The following FANCA variants were observed in gnomAD, a reference collection of about 807,000 sequenced individuals.
The protein encoded by FANCA is Fanconi anemia group A protein.
A neutral mutation model predicts 194.3 loss-of-function variants in FANCA; 236 were observed. The observed-to-expected ratio is 1.21, with a 90% CI of 1.09 to 1.35. The LOEUF (loss-of-function observed/expected upper bound fraction) is 1.35. Ranked by LOEUF, FANCA falls within the 40% of genes most tolerant of loss-of-function variation. The pLI is 0.00. For synonymous variants in FANCA, 1,014 were observed against 715.8 expected (o/e 1.42, Z -6.65); for missense variants, 2,628 against 1,813.9 (o/e 1.45, Z -8.15).
chr16:89,805,796 G>A (rs1324580335), intron 6 of FANCA, among the ~76,000 whole-genome samples: 3 of 151,796 alleles, frequency 2.0e-5, no homozygotes, highest in Non-Finnish European at 2.9e-5. Flanking sequence ...TTCAAATATT[G>A]TGGATTTTCC....
At chr16:89,789,189 G>C (rs1177362293) in intron 14 of FANCA, among the ~76,000 whole-genome samples, 1 of 151,900 alleles carries the variant, frequency 6.6e-6, no homozygotes, top group Admixed American at 6.6e-5. Flanking sequence ...GGGCAGGTGA[G>C]AAGGAACTTT....
intron 5 of FANCA, among the ~76,000 whole-genome samples, chr16:89,809,656 C>G (rs186651419): frequency 6.6e-6 from 1 of 151,860 alleles, no homozygotes; most frequent in East Asian, 2.0e-4. Flanking sequence ...TTGAGACCAG[C>G]CTGACCAACA....
At chr16:89,739,670 T>C in intron 39 of FANCA, 117 bp from the exon 40 acceptor site, 1 of 1,510,396 alleles carries the variant, frequency 6.6e-7, no homozygotes, top group Non-Finnish European at 9.0e-7. Flanking sequence ...GGGGATAGTG[T>C]GGGGCGAACA....
At chr16:89,808,252 G>T in intron 6 of FANCA, 42 bp downstream of exon 6, 1 of 1,575,716 alleles carries the variant, frequency 6.3e-7, no homozygotes, top group South Asian at 1.1e-5. Flanking sequence ...TACTAGACTA[G>T]ACTGCAAAAA....
At chr16:89,811,651 G>C (rs1014218016) in intron 3 of FANCA, among the ~76,000 whole-genome samples, 2 of 152,176 alleles carry the variant, frequency 1.3e-5, no homozygotes, top group Admixed American at 6.5e-5. Flanking sequence ...ATTCAATAAA[G>C]TGAGAAACGG....
rs753166995 is a variant in FANCA, at chr16:89,796,033, G to A, written c.894-15C>T. The stretch of plus-strand genomic sequence containing the variant: ...ACACTCCGAACCTGCCAATGCAGCA[G>A]AAAGAGGGGTCAGGAAAGGGAGGGT... On this transcript the variant is annotated splice_polypyrimidine_tract_variant and intron_variant, in intron 10 of 42. Coordinates refer to ENST00000389301, the MANE Select transcript of FANCA (RefSeq NM_000135.4). The A allele has an allele frequency of 3.0e-5, 48 of 1,602,528 alleles. No individual in the cohort carries two copies. The highest frequency in any genetic ancestry group is 4.0e-5 in the African/African-American group (3 of 74,712).
intron 6 of FANCA, 24 bp from the exon 7 acceptor site, chr16:89,805,416 C>CGTAA (rs1567647872): frequency 6.4e-7 from 1 of 1,573,416 alleles, no homozygotes; most frequent in Non-Finnish European, 8.7e-7. Context: ...CAGAGGCAGA[C>CGTAA]GTAAGGCTCA....
chr16:89,748,835 ACT>A, intron 32 of FANCA, 68 bp from the exon 33 acceptor site: 2 of 1,343,976 alleles, frequency 1.5e-6, no homozygotes, highest in Non-Finnish European at 1.0e-6. Flanking sequence ...AAGGGCTCAG[ACT>A]CTCAGAGCAG....
chr16:89,762,035 GCA>G lies in FANCA; in HGVS notation c.2779-15_2779-14del. ...CTTGGTAAGTTAACTGAGAAAGAGAGCAAGCAATTCAATACAATGAGGACAGA... is the reference window on the plus strand; with the variant it reads ...CTTGGTAAGTTAACTGAGAAAGAGAGAGCAATTCAATACAATGAGGACAGA... On this transcript the variant is annotated splice_polypyrimidine_tract_variant and intron_variant, in intron 28 of 42. Transcript: ENST00000389301. 6.2e-7 allele frequency: 1 copy of G among 1,606,348 alleles called. No homozygotes were observed. The highest frequency in any genetic ancestry group is 8.5e-7 in the Non-Finnish European group (1 of 1,172,854).
At chr16:89,765,656 A>C (rs777446765) in intron 27 of FANCA, among the ~76,000 whole-genome samples, 1 of 152,232 alleles carries the variant, frequency 6.6e-6, no homozygotes, top group Non-Finnish European at 1.5e-5. Flanking sequence ...AGCCAGACAC[A>C]CTATTGGTGC....
intron 29 of FANCA, 23 bp downstream of exon 29, chr16:89,761,926 G>C (rs776575352): frequency 6.2e-7 from 1 of 1,600,502 alleles, no homozygotes; most frequent in South Asian, 1.1e-5. Flanking sequence ...TGCCTGGCCA[G>C]GGTAGCTCTT....
In FANCA at chr16:89,816,575, T is replaced by C. The variant is rs762648754; in HGVS notation, c.41A>G (p.Asp14Gly). ...SWVPNSASGQ[D>G]PGGRRRAWAE... ...CCAGGCCCTCCGGCGGCCCCCTGGG[T>C]CCTGGCCCGAGGCGGAGTTCGGGAC... The change falls in exon 1 of 43, where the codon GAC becomes GGC. Residue 14 changes from aspartate to glycine, a missense_variant. Asp to Gly is a moderately conservative substitution (Grantham distance 94). Transcript: ENST00000389301. The C allele has an allele frequency of 3.3e-5, 50 of 1,523,800 alleles. No homozygotes were observed. The African/African-American group carries it at 6.6e-4, about 20-fold the overall frequency. 94.4% of individuals were successfully genotyped at this position (1,523,800 alleles called of 1,614,324 possible).
intron 33 of FANCA, among the ~76,000 whole-genome samples, chr16:89,748,222 C>A (rs567673058): frequency 6.6e-6 from 1 of 152,206 alleles, no homozygotes; most frequent in Non-Finnish European, 1.5e-5. Context: ...TTAAGATCAC[C>A]CTGCAACTCA....
At chr16:89,765,126 A>C (rs1349477073) in intron 27 of FANCA, 60 bp from the exon 28 acceptor site, 25 of 1,588,310 alleles carry the variant, frequency 1.6e-5, no homozygotes, top group Non-Finnish European at 2.1e-5. Flanking sequence ...TGAGTGGCTG[A>C]GCAAATGCTC....
intron 8 of FANCA, among the ~76,000 whole-genome samples, chr16:89,799,983 G>A (rs1033888395): frequency 2.6e-5 from 4 of 152,224 alleles, no homozygotes; most frequent in African/African-American, 9.6e-5. Context: ...GAAAGAGCCA[G>A]ACTCCGTCTC....
intron 6 of FANCA, among the ~76,000 whole-genome samples, chr16:89,806,972 C>A (rs895452284): frequency 6.6e-6 from 1 of 152,032 alleles, no homozygotes; most frequent in African/African-American, 2.4e-5. Flanking sequence ...GCTGGCCGGG[C>A]GGGGGGCTGA....
At chr16:89,740,280 G>C in intron 38 of FANCA, 181 bp from the exon 39 acceptor site, 1 of 632,060 alleles carries the variant, frequency 1.6e-6, no homozygotes, top group East Asian at 2.8e-5. Flanking sequence ...GCTCAGGTAG[G>C]AGGCCAGGGA....
chr16:89,804,475 CT>C (rs1372427941), intron 7 of FANCA, among the ~76,000 whole-genome samples: 6 of 152,244 alleles, frequency 3.9e-5, no homozygotes, highest in South Asian at 2.1e-4. Flanking sequence ...AATATAAGTC[CT>C]GACAAACCCA....
intron 36 of FANCA, among the ~76,000 whole-genome samples, chr16:89,743,649 C>A (rs1311413388): frequency 6.6e-6 from 1 of 151,850 alleles, no homozygotes; most frequent in Non-Finnish European, 1.5e-5. Flanking sequence ...CGTGGAGAAA[C>A]CCTGTCTCTA....
Sources: gnomAD v4.1 joint callset for allele counts (sites outside exome capture counted in the v4.1 genomes callset) on GRCh38, gnomAD v4.1.1 for gene constraint, MANE v1.5 for transcripts, NCBI Gene and HGNC (gene_info 2026-07-23, HGNC 2026-07-21) for gene names.